The following TMEM178A variants were observed in gnomAD, a reference collection of about 807,000 sequenced individuals.
TMEM178A encodes the protein transmembrane protein 178A.
A neutral mutation model predicts 29.1 loss-of-function variants in TMEM178A; 12 were observed. The ratio of observed to expected loss-of-function variants is 0.41; its 90% CI spans 0.26 to 0.67. The LOEUF is 0.67. Among genes scored for constraint, TMEM178A ranks in the 30% least tolerant of loss-of-function variants. TMEM178A has a pLI of 0.29. For missense variants in TMEM178A, 366 were observed against 419.1 expected (o/e 0.87, Z 1.11); for synonymous variants, 210 against 187.2 (o/e 1.12, Z -0.99).
the TMEM178A span, among the ~76,000 whole-genome samples, chr2:39,727,466 G>A: frequency 6.6e-6 from 1 of 152,150 alleles, no homozygotes; most frequent in Non-Finnish European, 1.5e-5. Context: ...TTTAGTCCAA[G>A]GGCTTTCTTG....
rs373376919 is a variant in TMEM178A, at chr2:39,699,333, T to A, written c.401-4748T>A. Among the ~76,000 whole-genome samples the A allele has an allele frequency of 2.1e-4, 32 of 152,286 alleles. No individual in the cohort carries two copies. The East Asian group carries it at 2.9e-3, about 14-fold the overall frequency. ...TAACCAAATTTTAGTTTTGTTTACTTTATCAATTTTTAATTCTTTATTTTA... is the reference window on the plus strand; with the variant it reads ...TAACCAAATTTTAGTTTTGTTTACTATATCAATTTTTAATTCTTTATTTTA... On this transcript the variant is annotated intron_variant, in intron 1 of 3. Transcript: ENST00000281961.
the TMEM178A span, among the ~76,000 whole-genome samples, chr2:39,726,783 T>C: frequency 2.0e-5 from 3 of 151,852 alleles, no homozygotes; most frequent in Non-Finnish European, 2.9e-5. Context: ...CAAAAAATGG[T>C]AGAAATAATG....
chr2:39,695,484 T>C (rs1469081445), intron 1 of TMEM178A, among the ~76,000 whole-genome samples: 4 of 149,840 alleles, frequency 2.7e-5, no homozygotes, highest in Non-Finnish European at 5.9e-5. Context: ...GCAAAGAGAG[T>C]GAGCTATGTG....
At chr2:39,731,005 C>A in the TMEM178A span, among the ~76,000 whole-genome samples, 2 of 152,196 alleles carry the variant, frequency 1.3e-5, no homozygotes, top group African/African-American at 4.8e-5. Flanking sequence ...GTAAGCCATT[C>A]CATCATGCCG....
intron 1 of TMEM178A, among the ~76,000 whole-genome samples, chr2:39,669,600 G>T (rs769309264): frequency 6.6e-6 from 1 of 152,186 alleles, no homozygotes. Context: ...TAGGCTTGAC[G>T]TTTAGCCAGA....
rs1243040690 is a variant in TMEM178A at position 39,674,056 on chromosome 2, A to G, written c.400+7682A>G. On this transcript the variant is annotated intron_variant, in intron 1 of 3. Transcript: ENST00000281961. Reference sequence around the variant, plus strand: ...TCTCACAATTTTGAAAGCTGCTTGTAGGAAAACTTCTCTTGGTATTCAGAC... The same window carrying G: ...TCTCACAATTTTGAAAGCTGCTTGTGGGAAAACTTCTCTTGGTATTCAGAC... 2.0e-5 allele frequency among the ~76,000 whole-genome samples: 3 copies of G among 152,152 alleles called. No homozygotes were observed. The East Asian group carries it at 5.8e-4, about 29-fold the overall frequency.
intron 1 of TMEM178A, among the ~76,000 whole-genome samples, chr2:39,674,574 C>T (rs958018466): frequency 7.2e-5 from 11 of 152,160 alleles, no homozygotes; most frequent in South Asian, 4.2e-4. Flanking sequence ...GTTTACTGCT[C>T]CAGTGCTGGG....
chr2:39,676,809 G>A (rs970091019), intron 1 of TMEM178A, among the ~76,000 whole-genome samples: 1 of 152,158 alleles, frequency 6.6e-6, no homozygotes, highest in African/African-American at 2.4e-5. Context: ...AGAAGACTGA[G>A]AAGAGAACTC....
intron 1 of TMEM178A, among the ~76,000 whole-genome samples, chr2:39,699,191 A>G (rs1671678307): frequency 6.6e-6 from 1 of 151,530 alleles, no homozygotes; most frequent in Non-Finnish European, 1.5e-5. Flanking sequence ...ATGCCTGGCT[A>G]ATTTTTTGTA....
chr2:39,708,409 ATT>A (rs956611778), intron 3 of TMEM178A, among the ~76,000 whole-genome samples: 47 of 69,696 alleles, frequency 6.7e-4, no homozygotes, highest in African/African-American at 2.4e-3. Context: ...GAGTGACTTG[ATT>A]TTTTTTTTTT....
chr2:39,666,126 AC>A lies in TMEM178A; in HGVS notation c.158del (p.Pro53ArgfsTer7), dbSNP rs1558437778. On this transcript the variant is annotated frameshift_variant, in exon 1 of 4. Transcript: ENST00000281961. LOFTEE classifies it high-confidence loss of function. The part of the protein sequence containing the change: ...ESCERSRAGA[D>X]PPDQKNRLMP... ...TGCGAGCGCAGCCGCGCGGGCGCCGACCCCCCGGACCAGAAGAACCGCCTGA... is the reference window on the plus strand; with the variant it reads ...TGCGAGCGCAGCCGCGCGGGCGCCGACCCCCGGACCAGAAGAACCGCCTGA... The A allele has an allele frequency of 5.9e-6, 9 of 1,536,240 alleles. No homozygotes were observed. The highest frequency in any genetic ancestry group is 4.0e-5 in the Admixed American group (2 of 50,584).
intron 1 of TMEM178A, among the ~76,000 whole-genome samples, chr2:39,694,153 T>C (rs1355341702): frequency 8.1e-6 from 1 of 123,898 alleles, no homozygotes; most frequent in African/African-American, 3.1e-5. Flanking sequence ...GTAGCAATAG[T>C]AGTAGTAGTA....
chr2:39,703,259 T>A (rs1019447532), intron 1 of TMEM178A, among the ~76,000 whole-genome samples: 4 of 152,190 alleles, frequency 2.6e-5, no homozygotes, highest in Non-Finnish European at 4.4e-5. Flanking sequence ...ATTTTATAAG[T>A]TTTTTTAAAT....
intron 1 of TMEM178A, among the ~76,000 whole-genome samples, chr2:39,688,663 C>T (rs1050723052): frequency 6.6e-6 from 1 of 152,226 alleles, no homozygotes; most frequent in Non-Finnish European, 1.5e-5. Context: ...TCAGTCTTTT[C>T]AACTTTGCTT....
the TMEM178A span, among the ~76,000 whole-genome samples, chr2:39,729,895 T>G: frequency 8.6e-3 from 1,307 of 152,270 alleles, 16 homozygotes; most frequent in African/African-American, 0.03. Context: ...CTTCTCACAG[T>G]GGTGATCAGC....
intron 3 of TMEM178A, among the ~76,000 whole-genome samples, chr2:39,713,266 G>A (rs1672392679): frequency 6.6e-6 from 1 of 152,180 alleles, no homozygotes; most frequent in Non-Finnish European, 1.5e-5. Flanking sequence ...ATAAATAATT[G>A]CTGAATAACT....
intron 1 of TMEM178A, among the ~76,000 whole-genome samples, chr2:39,679,170 C>A (rs1003934126): frequency 2.0e-5 from 3 of 152,150 alleles, no homozygotes; most frequent in African/African-American, 7.2e-5. Context: ...GGGATGGATA[C>A]CATCCAGGTT....
At chr2:39,716,000 G>A (rs906119173) in intron 3 of TMEM178A, among the ~76,000 whole-genome samples, 2 of 152,174 alleles carry the variant, frequency 1.3e-5, no homozygotes, top group African/African-American at 4.8e-5. Context: ...GATGCTACGT[G>A]TATCCCTAAG....
Position 39,670,723 on chromosome 2 carries a change from C to G in TMEM178A, c.400+4349C>G, listed in dbSNP as rs759291093. Among the ~76,000 whole-genome samples the G allele has an allele frequency of 3.9e-4, 60 of 152,322 alleles. 1 individual carries two copies. The highest frequency in any genetic ancestry group is 8.2e-4 in the Non-Finnish European group (56 of 68,016). ...GAAAACACTGACTTTAATAAATAAA[C>G]ATTGATGTGACTTGCAAATACATTA... is the stretch of plus-strand genomic sequence containing the variant. On this transcript the variant is annotated intron_variant, in intron 1 of 3. Transcript: ENST00000281961.
Sources: gnomAD v4.1 joint callset for allele counts (sites outside exome capture counted in the v4.1 genomes callset) on GRCh38, gnomAD v4.1.1 for gene constraint, MANE v1.5 for transcripts, NCBI Gene and HGNC (gene_info 2026-07-23, HGNC 2026-07-21) for gene names.